The following KAT14 variants were observed in gnomAD, a reference collection of about 807,000 sequenced individuals.
KAT14 encodes cysteine-rich protein 2-binding protein.
Under a neutral mutation model 78.4 loss-of-function variants are expected in KAT14, and 66 were observed. The ratio of observed to expected loss-of-function variants is 0.84; its 90% CI spans 0.69 to 1.03. The LOEUF (loss-of-function observed/expected upper bound fraction) is 1.03, where lower values mean the gene tolerates loss of function less well. Ranked by LOEUF, KAT14 falls within the 50% of genes least tolerant of loss-of-function variation. The pLI is 0.00. For missense variants in KAT14, 870 were observed against 972.5 expected, an observed-to-expected ratio of 0.89 and a Z score of 1.40; for synonymous variants, 344 against 359.4, an observed-to-expected ratio of 0.96 and a Z score of 0.48.
At position 18,184,662 on chromosome 20, in the gene KAT14, A is replaced by G; in HGVS notation, c.2042A>G (p.Lys681Arg). 6.2e-7 allele frequency: 1 copy of G among 1,613,968 alleles called. No individual in the cohort carries two copies. The highest frequency in any genetic ancestry group is 8.5e-7 in the Non-Finnish European group (1 of 1,179,986). The change falls in exon 10 of 11, where the codon AAA (lysine) becomes AGA (arginine). Residue 681 changes from lysine (K) to arginine (R), a missense_variant. Coordinates refer to ENST00000688188, the MANE Select transcript of KAT14 (RefSeq NM_001392073.1). ...TTCAGTGTTGTTGTTCTTTATAAAA[A>G]AGTCATCATTGCCTTTGGCTTCATG... ...PDFSVVVLYK[K>R]VIIAFGFMVP... is the part of the protein sequence containing the mutation.
rs2038449954 is a variant in KAT14, at chr20:18,162,112, C to T, written c.972C>T (p.Ser324=). The change falls in exon 6 of 11, where the codon AGC becomes AGT. Residue 324 remains serine, a synonymous_variant. Transcript: ENST00000688188. The part of the protein sequence containing the change: ...LSSSDRTPLT[S]PSPSPSLDFS... Reference sequence around the variant, plus strand: ...CCTCTGACCGCACCCCGCTGACAAGCCCATCTCCTTCTCCTTCTCTGGATT... The same window carrying T: ...CCTCTGACCGCACCCCGCTGACAAGTCCATCTCCTTCTCCTTCTCTGGATT... 1 of 1,614,132 alleles carries T rather than the reference C, an allele frequency of 6.2e-7. No individual in the cohort carries two copies. The highest frequency in any genetic ancestry group is 8.5e-7 in the Non-Finnish European group (1 of 1,180,060).
chr20:18,161,174 C>CAA (rs969609952), intron 5 of KAT14, among the ~76,000 whole-genome samples: 2 of 129,858 alleles, frequency 1.5e-5, no homozygotes, highest in Admixed American at 8.0e-5. Context: ...GACCCTGTCT[C>CAA]AAAAAAAAAA....
intron 2 of KAT14, 42 bp downstream of exon 2, chr20:18,142,961 T>G (rs2037645886): frequency 3.1e-6 from 5 of 1,597,386 alleles, no homozygotes; most frequent in Middle Eastern, 1.7e-4. Flanking sequence ...AATTCCTGTG[T>G]GAAGGTTTGT....
chr20:18,187,198 C>T (rs1318950315), intron 10 of KAT14, 88 bp from the exon 11 acceptor site: 1 of 1,476,872 alleles, frequency 6.8e-7, no homozygotes, highest in Non-Finnish European at 9.0e-7. Flanking sequence ...CCATAACTAA[C>T]TGCCTACACT....
Position 18,161,843 on chromosome 20 carries a change from C to A in KAT14, c.703C>A (p.Pro235Thr). 6.2e-7 allele frequency: 1 copy of A among 1,613,412 alleles called. No individual in the cohort carries two copies. The highest frequency in any genetic ancestry group is 1.1e-5 in the South Asian group (1 of 91,000). Residue 235 changes from proline to threonine, a missense_variant, in exon 6 of 11, where the codon CCC becomes ACC. Coordinates refer to ENST00000688188, the MANE Select transcript of KAT14 (RefSeq NM_001392073.1). ...AGCAGCCTCAAAACCAACTTTAGAT[C>A]CCATCATTACTGTTGAGGGACTTAG... ...KIKASKPTLDPIITVEGLRKR... is the reference protein window; with the variant it reads ...KIKASKPTLDTIITVEGLRKR...
At chr20:18,155,129 C>T (rs141479571) in intron 4 of KAT14, among the ~76,000 whole-genome samples, 3 of 152,174 alleles carry the variant, frequency 2.0e-5, no homozygotes, top group Non-Finnish European at 4.4e-5. Flanking sequence ...AGGTGATCCA[C>T]CCGCCTGGCC....
chr20:18,152,086 G>A (rs1329620263), intron 4 of KAT14, among the ~76,000 whole-genome samples: 2 of 151,780 alleles, frequency 1.3e-5, no homozygotes, highest in Non-Finnish European at 2.9e-5. Flanking sequence ...AATAAGAGTT[G>A]TATTACATGA....
intron 10 of KAT14, 124 bp from the exon 11 acceptor site, chr20:18,187,162 G>A (rs1275931349): frequency 1.6e-6 from 2 of 1,280,536 alleles, no homozygotes; most frequent in Admixed American, 5.3e-5. Flanking sequence ...CAATGTCTCA[G>A]CCTCAGTCTC....
chr20:18,140,641 C>G (rs1311910027), intron 1 of KAT14, among the ~76,000 whole-genome samples: 3 of 151,606 alleles, frequency 2.0e-5, no homozygotes, highest in Non-Finnish European at 4.4e-5. Flanking sequence ...GAAACCCCGT[C>G]TCTACTAAAA....
In KAT14 at chr20:18,187,813, A is replaced by G; in HGVS notation, c.*354A>G. On this transcript the variant is annotated 3_prime_UTR_variant, in exon 11 of 11. Coordinates refer to ENST00000688188, the MANE Select transcript of KAT14 (RefSeq NM_001392073.1). Reference sequence around the variant, plus strand: ...CCTGTCTGTCATAACTTAAAGGATGAGAAAATGTGGTGTAGCTATTAAAGA... The same window carrying G: ...CCTGTCTGTCATAACTTAAAGGATGGGAAAATGTGGTGTAGCTATTAAAGA... 1 of 282,548 alleles carries G rather than the reference A, an allele frequency of 3.5e-6. No homozygotes were observed. Among genetic ancestry groups the G allele is most frequent in the Non-Finnish European group, 6.6e-6 (1 of 150,496 alleles). The allele number at this position is 282,548 out of a possible 1,614,324, so 17.5% of individuals were successfully genotyped here.
intron 7 of KAT14, among the ~76,000 whole-genome samples, chr20:18,172,353 G>A (rs1214616785): frequency 6.6e-6 from 1 of 150,784 alleles, no homozygotes. Context: ...GCCCGCCTCG[G>A]CCTCCCAAAG....
chr20:18,181,364 C>CTTTTTTTTTTTTTTTT (rs762890490), intron 7 of KAT14, among the ~76,000 whole-genome samples: 2 of 106,802 alleles, frequency 1.9e-5, no homozygotes, highest in African/African-American at 7.4e-5. Context: ...AATTTTGTTT[C>CTTTTTTTTTTTTTTTT]TTTTTTTTTT....
chr20:18,167,817 C>A (rs1198180879), intron 7 of KAT14, among the ~76,000 whole-genome samples: 7 of 151,732 alleles, frequency 4.6e-5, no homozygotes, highest in African/African-American at 1.7e-4. Context: ...TATTTTTATT[C>A]TTTTTATAGG....
At chr20:18,172,622 T>C (rs1302747504) in intron 7 of KAT14, among the ~76,000 whole-genome samples, 2 of 152,204 alleles carry the variant, frequency 1.3e-5, no homozygotes, top group Non-Finnish European at 2.9e-5. Context: ...GCTTGCTTTA[T>C]TATGACATTC....
chr20:18,170,458 G>T (rs569287375), intron 7 of KAT14, among the ~76,000 whole-genome samples: 1 of 152,324 alleles, frequency 6.6e-6, no homozygotes, highest in South Asian at 2.1e-4. Flanking sequence ...AGCAAAGCTT[G>T]GATGACAGCA....
At chr20:18,155,786 G>C (rs1240225083) in intron 4 of KAT14, among the ~76,000 whole-genome samples, 1 of 152,140 alleles carries the variant, frequency 6.6e-6, no homozygotes, top group Non-Finnish European at 1.5e-5. Context: ...TTGCAGTGTT[G>C]GTGGGAATGT....
At chr20:18,166,299 C>A (rs964921177) in intron 7 of KAT14, among the ~76,000 whole-genome samples, 1 of 152,138 alleles carries the variant, frequency 6.6e-6, no homozygotes, top group Non-Finnish European at 1.5e-5. Flanking sequence ...TAAACTGATA[C>A]CCGATTTGCT....
chr20:18,138,585 C>G (rs944140486), intron 1 of KAT14: 6 of 423,278 alleles, frequency 1.4e-5, no homozygotes, highest in African/African-American at 1.3e-4. Context: ...CGTACTCACT[C>G]TCCATGCCTT....
intron 7 of KAT14, among the ~76,000 whole-genome samples, chr20:18,168,171 A>G (rs1293586235): frequency 6.6e-6 from 1 of 152,194 alleles, no homozygotes; most frequent in African/African-American, 2.4e-5. Flanking sequence ...ATATTTTGAA[A>G]TTATGACTTC....
Sources: allele counts gnomAD v4.1 joint callset (sites outside exome capture counted in the v4.1 genomes callset), GRCh38; gene constraint gnomAD v4.1.1; transcripts MANE v1.5; gene names NCBI Gene and HGNC (gene_info 2026-07-23, HGNC 2026-07-21).